Variants in PCDHGA8 observed in about 807,000 individuals in gnomAD.
The protein encoded by PCDHGA8 is protocadherin gamma subfamily A, 8, also known as protocadherin gamma-A8.
In PCDHGA8, 45 loss-of-function variants were observed where a neutral mutation model predicts 59.2. The observed-to-expected ratio is 0.76, with a 90% confidence interval of 0.60 to 0.98. PCDHGA8 has a LOEUF of 0.98. Among genes scored for constraint, PCDHGA8 ranks in the 50% least tolerant of loss-of-function variants. The pLI, the probability that PCDHGA8 is intolerant of heterozygous loss-of-function variation, is 0.00. For missense variants in PCDHGA8, 1,257 were observed against 1,196.2 expected (o/e 1.05, Z -0.75); for synonymous variants, 531 against 519.0 (o/e 1.02, Z -0.32).
intron 2 of PCDHGA8, among the ~76,000 whole-genome samples, chr5:141,498,338 G>T (rs2237079): frequency 2.6e-5 from 4 of 151,600 alleles, no homozygotes; most frequent in Non-Finnish European, 5.9e-5. Flanking sequence ...CATTCCAAAT[G>T]GGAAAAGCCT....
intron 1 of PCDHGA8, among the ~76,000 whole-genome samples, chr5:141,460,418 G>C (rs905215023): frequency 3.3e-5 from 5 of 152,096 alleles, no homozygotes; most frequent in Admixed American, 6.5e-5. Flanking sequence ...TGATGTTTAT[G>C]TATGGTGTAT....
rs773522759 is a variant in PCDHGA8, at chr5:141,419,457, A to G, written c.2424+24220A>G. The G allele has an allele frequency of 7.4e-6, 12 of 1,612,610 alleles. No homozygotes were observed. The South Asian group carries it at 1.3e-4, about 18-fold the overall frequency. On this transcript the variant is annotated intron_variant, in intron 1 of 3. Transcript: ENST00000398604. ...CTGCGCACCTTCGAGCTCACGCTGC[A>G]GGCCCGCGACCAGGGCTCGCCCGCG...
At chr5:141,459,499 G>A (rs2098968854) in intron 1 of PCDHGA8, among the ~76,000 whole-genome samples, 1 of 152,172 alleles carries the variant, frequency 6.6e-6, no homozygotes, top group Non-Finnish European at 1.5e-5. Context: ...TTAAAGTGAT[G>A]TGAACAATCA....
rs776211508 is a variant in PCDHGA8, at chr5:141,491,001, C to T, written c.2425-3806C>T. On this transcript the variant is annotated intron_variant, in intron 1 of 3. Transcript: ENST00000398604. The surrounding 1 kb of genome is among the most constrained non-coding windows in gnomAD (Gnocchi z 6.9). The stretch of plus-strand genomic sequence containing the variant: ...TCCCTCGCTCTGCTCCTCCTGGCTC[C>T]TTGGTCACCAAGGTGACAGCCGTGG... The T allele has an allele frequency of 6.2e-7, 1 of 1,614,140 alleles. No individual in the cohort carries two copies. Among genetic ancestry groups the T allele is most frequent in the Non-Finnish European group, 8.5e-7 (1 of 1,180,044 alleles).
chr5:141,426,882 C>T, intron 1 of PCDHGA8: 1 of 456,664 alleles, frequency 2.2e-6, no homozygotes, highest in South Asian at 1.5e-5. Flanking sequence ...GCCCCTGGGC[C>T]AGGAGCAACA....
intron 1 of PCDHGA8, chr5:141,398,793 A>C (rs376843278): frequency 6.2e-7 from 1 of 1,613,948 alleles, no homozygotes; most frequent in African/African-American, 1.3e-5. Context: ...ATCCACCCCT[A>C]AGCGGCACCA....
intron 1 of PCDHGA8, chr5:141,440,019 G>A (rs747595475): frequency 6.5e-5 from 10 of 153,114 alleles, no homozygotes; most frequent in Non-Finnish European, 8.8e-5. Flanking sequence ...AAGGATCTGG[G>A]ACTCAGTGTC....
chr5:141,472,529 G>C lies in PCDHGA8; in HGVS notation c.2425-22278G>C, dbSNP rs553065027. 9.3e-5 allele frequency among the ~76,000 whole-genome samples: 14 copies of C among 151,058 alleles called. No individual in the cohort carries two copies. In the East Asian group the frequency reaches 2.6e-3, roughly 28 times the overall value. ...CACTCCAGCCTGGGTGACAGAGTGA[G>C]ACACCATCTCAAGAAAAAAAAAATT... On this transcript the variant is annotated intron_variant, in intron 1 of 3. Transcript: ENST00000398604.
chr5:141,456,773 G>A (rs1178932462), intron 1 of PCDHGA8, among the ~76,000 whole-genome samples: 6 of 151,980 alleles, frequency 3.9e-5, no homozygotes, highest in African/African-American at 1.2e-4. Context: ...GACCAGCCTG[G>A]CCTACATGGC....
At chr5:141,410,508 G>C in intron 1 of PCDHGA8, 2 of 1,613,968 alleles carry the variant, frequency 1.2e-6, no homozygotes, top group Non-Finnish European at 8.5e-7. Flanking sequence ...TTCCTAAAAT[G>C]CAGTGTGCCC....
chr5:141,404,490 T>A (rs748668164), intron 1 of PCDHGA8: 6 of 1,613,632 alleles, frequency 3.7e-6, no homozygotes, highest in Non-Finnish European at 5.1e-6. Flanking sequence ...GACACTGGTG[T>A]GCTGTATGCT....
chr5:141,421,904 C>T (rs1561797509), intron 1 of PCDHGA8: 1 of 1,613,734 alleles, frequency 6.2e-7, no homozygotes, highest in Admixed American at 1.7e-5. Flanking sequence ...CGAAAGGGCG[C>T]AGTTCCCATT....
intron 1 of PCDHGA8, chr5:141,409,395 C>T: frequency 6.2e-7 from 1 of 1,614,030 alleles, no homozygotes; most frequent in South Asian, 1.1e-5. Flanking sequence ...TATTCTTCTT[C>T]CAATAACTAC....
intron 1 of PCDHGA8, among the ~76,000 whole-genome samples, chr5:141,473,965 A>C (rs925515548): frequency 1.1e-4 from 16 of 152,206 alleles, no homozygotes; most frequent in African/African-American, 3.9e-4. Flanking sequence ...TCTACTTAGA[A>C]GTCTGAGGCG....
In PCDHGA8 at chr5:141,394,198, T is replaced by C; in HGVS notation, c.1385T>C (p.Leu462Pro). The change falls in exon 1 of 4, where the codon CTA becomes CCA. Residue 462 changes from leucine (L) to proline (P), a missense_variant. Leu to Pro is a moderately conservative substitution (Grantham distance 98, BLOSUM62 -3). Coordinates refer to ENST00000398604, the MANE Select transcript of PCDHGA8 (RefSeq NM_032088.2). ...FPHASYSAYI[L>P]ENNLRGASIF... The stretch of plus-strand genomic sequence containing the variant: ...CATGCCTCCTACTCAGCGTATATCC[T>C]AGAGAACAACCTGAGAGGAGCCTCC... 1 of 1,613,874 alleles carries C rather than the reference T, an allele frequency of 6.2e-7. No homozygotes were observed. Among genetic ancestry groups the C allele is most frequent in the East Asian group, 2.2e-5 (1 of 44,856 alleles).
chr5:141,507,263 T>C (rs755395344), intron 3 of PCDHGA8: 1 of 152,038 alleles, frequency 6.6e-6, no homozygotes, highest in Non-Finnish European at 1.5e-5. Flanking sequence ...AAACAGCAAG[T>C]ACTATTTCAG....
intron 1 of PCDHGA8, among the ~76,000 whole-genome samples, chr5:141,465,779 GT>G (rs879859429): frequency 5.2e-4 from 76 of 145,138 alleles, no homozygotes; most frequent in South Asian, 1.1e-3. Flanking sequence ...TCTTGTTACA[GT>G]TTTTTTTTTT....
In PCDHGA8 at chr5:141,460,999, G is replaced by GTA. The variant is rs1350972422; in HGVS notation, c.2425-33797_2425-33796dup. Reference sequence around the variant, plus strand: ...TGTGTGTGTGTATATATATATATGTGTATATATATATACCACATTTTCTTT... The same window carrying GTA: ...TGTGTGTGTGTATATATATATATGTGTATATATATATATACCACATTTTCTTT... On this transcript the variant is annotated intron_variant, in intron 1 of 3. Coordinates refer to ENST00000398604, the MANE Select transcript of PCDHGA8 (RefSeq NM_032088.2). Among the ~76,000 whole-genome samples, 54 of 149,566 alleles carry GTA rather than the reference G, an allele frequency of 3.6e-4. No homozygotes were observed. The South Asian group carries it at 4.2e-3, about 12-fold the overall frequency.
At chr5:141,478,142 G>C in intron 1 of PCDHGA8, 1 of 1,613,988 alleles carries the variant, frequency 6.2e-7, no homozygotes, top group South Asian at 1.1e-5. Flanking sequence ...AGCCCGAGCC[G>C]AGTTCCCCTC....
Sources: gnomAD v4.1 joint callset for allele counts (sites outside exome capture counted in the v4.1 genomes callset) on GRCh38, gnomAD v4.1.1 for gene constraint, Gnocchi (gnomAD v3.1) non-coding constraint, MANE v1.5 for transcripts, NCBI Gene and HGNC (gene_info 2026-07-23, HGNC 2026-07-21) for gene names.